PTPRJ: variants seen among roughly 807,000 people sequenced by gnomAD.
The protein encoded by PTPRJ is receptor-type tyrosine-protein phosphatase eta.
Under a neutral mutation model 141.3 loss-of-function variants are expected in PTPRJ, and 129 were observed. That is an observed-to-expected ratio of 0.91 (90% CI 0.79 to 1.06). The LOEUF (loss-of-function observed/expected upper bound fraction) is 1.06. Among genes scored for constraint, PTPRJ ranks in the 50% least tolerant of loss-of-function variants. PTPRJ has a pLI of 0.00. For synonymous variants in PTPRJ, 610 were observed against 640.5 expected (o/e 0.95, Z 0.72); for missense variants, 1,601 against 1,679.7 (o/e 0.95, Z 0.82).
intron 3 of PTPRJ, among the ~76,000 whole-genome samples, chr11:48,119,017 T>C (rs1590524641): frequency 6.6e-5 from 1 of 15,248 alleles, no homozygotes; most frequent in Non-Finnish European, 1.8e-4. Flanking sequence ...AGACTTCGTC[T>C]CAAAAAAAAA....
chr11:48,085,154 A>C (rs746740561), intron 1 of PTPRJ, among the ~76,000 whole-genome samples: 4 of 152,110 alleles, frequency 2.6e-5, no homozygotes, highest in Non-Finnish European at 5.9e-5. Flanking sequence ...TCTTTACATT[A>C]TTGTAACAGA....
At chr11:47,995,580 A>G (rs1231868822) in intron 1 of PTPRJ, among the ~76,000 whole-genome samples, 3 of 152,192 alleles carry the variant, frequency 2.0e-5, no homozygotes, top group Non-Finnish European at 4.4e-5. Context: ...TTTGTCTTGG[A>G]TTTTAGATCC....
At chr11:47,999,177 C>T (rs1273443032) in intron 1 of PTPRJ, among the ~76,000 whole-genome samples, 1 of 152,142 alleles carries the variant, frequency 6.6e-6, no homozygotes, top group Non-Finnish European at 1.5e-5. Flanking sequence ...CAGCAGGAGG[C>T]TAAGGTGGGA....
At chr11:48,039,467 G>A (rs1438133616) in intron 1 of PTPRJ, among the ~76,000 whole-genome samples, 2 of 11,300 alleles carry the variant, frequency 1.8e-4, no homozygotes, top group Non-Finnish European at 4.0e-4. Flanking sequence ...ACACTATGGT[G>A]TGTGTGTGTG....
intron 1 of PTPRJ, among the ~76,000 whole-genome samples, chr11:48,102,627 C>T (rs956160495): frequency 6.6e-6 from 1 of 152,008 alleles, no homozygotes; most frequent in Non-Finnish European, 1.5e-5. Context: ...ACAGGCCAGG[C>T]TGGTCTTGAA....
rs561343369 is a variant in PTPRJ at position 48,123,668 on chromosome 11, T to C, written c.672T>C (p.Ala224=). Residue 224 remains alanine (A), a synonymous_variant, in exon 5 of 25, where the codon GCT becomes GCC. Coordinates refer to ENST00000418331, the MANE Select transcript of PTPRJ (RefSeq NM_002843.4). ...CCCTCACGGGTGTGAGGAAGGCTGC[T>C]CTCTCCTGGAGCAATGGCAATGGCA... ...RVALTGVRKA[A]LSWSNGNGTA... 1 of 1,614,196 alleles carries C rather than the reference T, an allele frequency of 6.2e-7. No homozygotes were observed. Among genetic ancestry groups the C allele is most frequent in the South Asian group, 1.1e-5 (1 of 91,080 alleles).
intron 1 of PTPRJ, among the ~76,000 whole-genome samples, chr11:48,045,229 C>A (rs1854361157): frequency 6.6e-6 from 1 of 152,200 alleles, no homozygotes; most frequent in Admixed American, 6.5e-5. Flanking sequence ...TATCTCCTCA[C>A]TGGGAGAGTA....
chr11:48,113,826 A>T (rs1235429807), intron 3 of PTPRJ, among the ~76,000 whole-genome samples: 1 of 152,172 alleles, frequency 6.6e-6, no homozygotes, highest in Non-Finnish European at 1.5e-5. Context: ...AAAAAACTTT[A>T]TCTTTTTTAT....
rs1159578037 is a variant in PTPRJ, at chr11:48,071,970, A to G, written c.97-38088A>G. Among the ~76,000 whole-genome samples the G allele has an allele frequency of 3.7e-5, 5 of 136,278 alleles. No individual in the cohort carries two copies. In the South Asian group the frequency reaches 1.2e-3, roughly 33 times the overall value. The allele number at this position is 136,278 out of a possible 152,430, so 89.4% of individuals were successfully genotyped here. On this transcript the variant is annotated intron_variant, in intron 1 of 24. Coordinates refer to ENST00000418331, the MANE Select transcript of PTPRJ (RefSeq NM_002843.4). ...ACCCAGGCTGGAGTGCAGTGGCATG[A>G]TCTTGGCTCACTGCAACCTCCGTCT...
chr11:48,007,209 TC>T (rs1854645928), intron 1 of PTPRJ, among the ~76,000 whole-genome samples: 1 of 151,706 alleles, frequency 6.6e-6, no homozygotes, highest in African/African-American at 2.4e-5. Flanking sequence ...CACGCCATTC[TC>T]CTGCCTCAGC....
chr11:48,167,079 G>A (rs1420794801), intron 24 of PTPRJ, 125 bp from the exon 25 acceptor site: 7 of 809,758 alleles, frequency 8.6e-6, no homozygotes, highest in South Asian at 3.4e-5. Context: ...CGCTTGAACC[G>A]TTTGCTGTTG....
intron 3 of PTPRJ, 72 bp from the exon 4 acceptor site, chr11:48,120,931 A>T: frequency 7.4e-7 from 1 of 1,356,106 alleles, no homozygotes; most frequent in Non-Finnish European, 9.9e-7. Context: ...GAAACTAGAC[A>T]TATAGAGCAG....
chr11:48,111,839 G>A (rs1397757421), intron 2 of PTPRJ, among the ~76,000 whole-genome samples: 1 of 152,076 alleles, frequency 6.6e-6, no homozygotes. Context: ...TGAATTTGGG[G>A]GTGGCGGAGC....
chr11:48,030,861 A>G (rs1187955620), intron 1 of PTPRJ, among the ~76,000 whole-genome samples: 2 of 152,224 alleles, frequency 1.3e-5, no homozygotes, highest in African/African-American at 4.8e-5. Context: ...CTCATTGGTC[A>G]TAACTCAGTC....
chr11:48,010,497 T>A (rs770862358), intron 1 of PTPRJ, among the ~76,000 whole-genome samples: 1 of 151,972 alleles, frequency 6.6e-6, no homozygotes. Flanking sequence ...CAGTAATTTG[T>A]TGAATGAATT....
intron 1 of PTPRJ, among the ~76,000 whole-genome samples, chr11:48,045,770 G>C (rs1004103110): frequency 2.6e-5 from 4 of 152,156 alleles, no homozygotes; most frequent in African/African-American, 9.7e-5. Flanking sequence ...CCTTCTGCAG[G>C]CTGCACCCCT....
chr11:48,157,231 C>T (rs766446365), intron 21 of PTPRJ, among the ~76,000 whole-genome samples: 7 of 151,656 alleles, frequency 4.6e-5, no homozygotes, highest in Non-Finnish European at 7.4e-5. Flanking sequence ...TTGTGGTCCA[C>T]CTGCCTTGGC....
At chr11:48,083,853 T>C (rs1157921207) in intron 1 of PTPRJ, among the ~76,000 whole-genome samples, 1 of 152,252 alleles carries the variant, frequency 6.6e-6, no homozygotes, top group African/African-American at 2.4e-5. Flanking sequence ...TGGGGATTCC[T>C]GAGATCCTTT....
intron 1 of PTPRJ, among the ~76,000 whole-genome samples, chr11:48,077,386 G>C (rs1397347734): frequency 6.6e-6 from 1 of 152,152 alleles, no homozygotes; most frequent in African/African-American, 2.4e-5. Flanking sequence ...AAGACAGGGA[G>C]ATTAAAGACC....
Sources: gnomAD v4.1 joint callset for allele counts (sites outside exome capture counted in the v4.1 genomes callset) on GRCh38, gnomAD v4.1.1 for gene constraint, MANE v1.5 for transcripts, NCBI Gene and HGNC (gene_info 2026-07-23, HGNC 2026-07-21) for gene names.